The following SCML4 variants were observed in gnomAD, a reference collection of about 807,000 sequenced individuals.
SCML4 encodes the protein Scm polycomb group protein like 4.
A neutral mutation model predicts 41.1 loss-of-function variants in SCML4; 34 were observed. The observed-to-expected ratio is 0.83, with a 90% CI of 0.63 to 1.10. The LOEUF (loss-of-function observed/expected upper bound fraction) is 1.10. Among genes scored for constraint, SCML4 ranks in the 50% least tolerant of loss-of-function variants. SCML4 has a pLI of 0.00. For missense variants in SCML4, 522 were observed against 534.1 expected, an observed-to-expected ratio of 0.98 and a Z score of 0.22; for synonymous variants, 214 against 220.9, an observed-to-expected ratio of 0.97 and a Z score of 0.28.
intron 5 of SCML4, among the ~76,000 whole-genome samples, chr6:107,723,714 C>T (rs567527268): frequency 1.3e-5 from 2 of 152,180 alleles, no homozygotes; most frequent in African/African-American, 4.8e-5. Context: ...TGAATTCTAC[C>T]AAACATTTAA....
intron 5 of SCML4, among the ~76,000 whole-genome samples, chr6:107,731,143 GAGAGAA>G (rs1458711454): frequency 6.6e-6 from 1 of 152,178 alleles, no homozygotes; most frequent in Non-Finnish European, 1.5e-5. Flanking sequence ...ACGAGCCAGA[GAGAGAA>G]AGAGAAAGTC....
upstream of SCML4, among the ~76,000 whole-genome samples, chr6:107,825,308 A>G (rs1785208769): frequency 1.3e-5 from 2 of 152,210 alleles, no homozygotes; most frequent in African/African-American, 4.8e-5. Flanking sequence ...CCGGGACTAA[A>G]TATCAACCAG....
At chr6:107,733,528 C>T (rs1776757013) in intron 5 of SCML4, among the ~76,000 whole-genome samples, 1 of 152,164 alleles carries the variant, frequency 6.6e-6, no homozygotes. Flanking sequence ...CTCCTCTTGG[C>T]ATGGTTTGCC....
At chr6:107,802,608 A>AAGGAAGGG in intron 1 of SCML4, among the ~76,000 whole-genome samples, 1 of 139,114 alleles carries the variant, frequency 7.2e-6, no homozygotes, top group African/African-American at 2.7e-5. Context: ...GGAAGGAAGG[A>AAGGAAGGG]AGGAAGGAAG....
At chr6:107,829,858 CAT>C in the SCML4 span, among the ~76,000 whole-genome samples, 1 of 152,156 alleles carries the variant, frequency 6.6e-6, no homozygotes, top group Admixed American at 6.5e-5. Flanking sequence ...CATTGGCAAA[CAT>C]ATTTGATAAT....
At chr6:107,840,653 C>A in the SCML4 span, among the ~76,000 whole-genome samples, 1 of 152,096 alleles carries the variant, frequency 6.6e-6, no homozygotes, top group African/African-American at 2.4e-5. Flanking sequence ...GTGATAACTG[C>A]TACAGAGAAA....
chr6:107,784,195 A>G (rs904885364), intron 1 of SCML4, among the ~76,000 whole-genome samples: 1 of 152,178 alleles, frequency 6.6e-6, no homozygotes, highest in African/African-American at 2.4e-5. Context: ...GAAAACTTGT[A>G]AGAAAGGGAA....
chr6:107,796,519 G>C (rs1364487509), intron 1 of SCML4, among the ~76,000 whole-genome samples: 1 of 152,126 alleles, frequency 6.6e-6, no homozygotes, highest in African/African-American at 2.4e-5. Context: ...AGCTGTAGGA[G>C]TTCTTTATAT....
intron 6 of SCML4, among the ~76,000 whole-genome samples, chr6:107,712,549 T>C (rs1239185865): frequency 1.3e-5 from 2 of 152,188 alleles, no homozygotes; most frequent in African/African-American, 4.8e-5. Flanking sequence ...CACTTTTCAC[T>C]TTTCCAGGAT....
At chr6:107,787,398 A>G (rs1367701545) in intron 1 of SCML4, among the ~76,000 whole-genome samples, 3 of 148,828 alleles carry the variant, frequency 2.0e-5, no homozygotes, top group Non-Finnish European at 4.4e-5. Context: ...TGCGACTGTC[A>G]CTCAGCCTCG....
At chr6:107,809,964 G>C (rs1216999463) in intron 1 of SCML4, among the ~76,000 whole-genome samples, 1 of 151,926 alleles carries the variant, frequency 6.6e-6, no homozygotes, top group African/African-American at 2.4e-5. Flanking sequence ...TACATTCATC[G>C]ATCCCTCTGA....
At chr6:107,817,088 C>T (rs1784593351) in intron 1 of SCML4, among the ~76,000 whole-genome samples, 1 of 152,056 alleles carries the variant, frequency 6.6e-6, no homozygotes, top group African/African-American at 2.4e-5. Flanking sequence ...CCAGCTGGGT[C>T]TTTGGTCCAA....
upstream of SCML4, among the ~76,000 whole-genome samples, chr6:107,828,026 T>C (rs1050760072): frequency 1.3e-5 from 2 of 152,258 alleles, no homozygotes; most frequent in African/African-American, 4.8e-5. Flanking sequence ...AAGAATTATG[T>C]GTGAAGCCCT....
At chr6:107,836,919 C>G in the SCML4 span, among the ~76,000 whole-genome samples, 10 of 152,224 alleles carry the variant, frequency 6.6e-5, no homozygotes, top group African/African-American at 2.2e-4. Context: ...ACATACTCCT[C>G]CTTTCTCAGC....
At chr6:107,835,266 T>C in the SCML4 span, among the ~76,000 whole-genome samples, 610 of 151,768 alleles carry the variant, frequency 4.0e-3, 4 homozygotes, top group African/African-American at 0.014. Context: ...CAGGCTGAGA[T>C]GGGAGGATTG....
rs577866657 is a variant in SCML4 at position 107,730,500 on chromosome 6, T to C, written c.683-9507A>G. On this transcript the variant is annotated intron_variant, in intron 5 of 7. Transcript: ENST00000369020. Reference sequence around the variant, plus strand: ...TAACAAAGCAAGGTAAATGAGTGGCTTTTTACTCACTTCTGTAACCCTCTG... The same window carrying C: ...TAACAAAGCAAGGTAAATGAGTGGCCTTTTACTCACTTCTGTAACCCTCTG... Among the ~76,000 whole-genome samples the C allele has an allele frequency of 3.9e-5, 6 of 152,342 alleles. No individual in the cohort carries two copies. The South Asian group carries it at 1.2e-3, about 32-fold the overall frequency.
chr6:107,790,108 T>C (rs572013425), intron 1 of SCML4, among the ~76,000 whole-genome samples: 1 of 152,248 alleles, frequency 6.6e-6, no homozygotes, highest in East Asian at 1.9e-4. Context: ...TGCTGAGAGA[T>C]CCAAGAAGTT....
Position 107,766,387 on chromosome 6 carries a change from G to T in SCML4, c.156+5785C>A, listed in dbSNP as rs1483085576. ...TCCGTCTCAAAAAAAAAAAAAAAAA[G>T]GGTTCAAGGCTGCAGTGAGCTATGA... is the stretch of plus-strand genomic sequence containing the variant. On this transcript the variant is annotated intron_variant, in intron 2 of 7. Coordinates refer to ENST00000369020, the MANE Select transcript of SCML4 (RefSeq NM_198081.5). Among the ~76,000 whole-genome samples, 4 of 147,124 alleles carry T rather than the reference G, an allele frequency of 2.7e-5. No homozygotes were observed. The East Asian group carries it at 6.0e-4, about 22-fold the overall frequency.
intron 5 of SCML4, among the ~76,000 whole-genome samples, chr6:107,723,457 T>G (rs1478603535): frequency 6.6e-6 from 1 of 152,198 alleles, no homozygotes; most frequent in Non-Finnish European, 1.5e-5. Context: ...TTTCAGTGAA[T>G]GTGTATCACT....
Sources: allele counts gnomAD v4.1 joint callset (sites outside exome capture counted in the v4.1 genomes callset), GRCh38; gene constraint gnomAD v4.1.1; transcripts MANE v1.5; gene names NCBI Gene and HGNC (gene_info 2026-07-23, HGNC 2026-07-21).